Variants in CCSER1 observed in about 807,000 individuals in gnomAD.
CCSER1 encodes serine-rich coiled-coil domain-containing protein 1.
A neutral mutation model predicts 82.0 loss-of-function variants in CCSER1; 41 were observed. The observed-to-expected ratio is 0.50, with a 90% confidence interval of 0.39 to 0.65. The LOEUF (loss-of-function observed/expected upper bound fraction) is 0.65. Among genes scored for constraint, CCSER1 ranks in the 30% least tolerant of loss-of-function variants. CCSER1 has a pLI of 0.00. For missense variants in CCSER1, 1,119 were observed against 1,064.2 expected (o/e 1.05, Z -0.72); for synonymous variants, 414 against 383.9 (o/e 1.08, Z -0.92).
At chr4:90,350,313 T>A (rs1158704417) in intron 3 of CCSER1, among the ~76,000 whole-genome samples, 2 of 152,118 alleles carry the variant, frequency 1.3e-5, no homozygotes, top group African/African-American at 4.8e-5. Context: ...ATGGGAAAAT[T>A]TTTGGAATCC....
chr4:91,557,621 T>A (rs551552266), intron 10 of CCSER1, among the ~76,000 whole-genome samples: 6 of 151,608 alleles, frequency 4.0e-5, no homozygotes, highest in African/African-American at 1.2e-4. Flanking sequence ...AGAAACTTAC[T>A]GAAGAAGAGA....
intron 10 of CCSER1, among the ~76,000 whole-genome samples, chr4:91,134,967 G>T (rs970030737): frequency 3.3e-5 from 5 of 151,948 alleles, no homozygotes; most frequent in African/African-American, 1.2e-4. Context: ...GGCTGAGGCA[G>T]GAGAATCGCG....
chr4:90,640,115 C>T (rs568597059), intron 6 of CCSER1, among the ~76,000 whole-genome samples: 3 of 152,158 alleles, frequency 2.0e-5, no homozygotes, highest in African/African-American at 2.4e-5. Flanking sequence ...GATAAGCAAT[C>T]GATTTGGCAA....
chr4:90,749,934 G>C (rs34191805), intron 7 of CCSER1, among the ~76,000 whole-genome samples: 3,189 of 151,566 alleles, frequency 0.021, 45 homozygotes, highest in South Asian at 0.034. Flanking sequence ...CCTATTTCTC[G>C]ACATCCTCTC....
chr4:90,459,256 A>G (rs1379975174), intron 4 of CCSER1, among the ~76,000 whole-genome samples: 1 of 152,206 alleles, frequency 6.6e-6, no homozygotes, highest in Non-Finnish European at 1.5e-5. Context: ...TTATTGAAGT[A>G]TGAACTGGAC....
chr4:90,332,886 T>A (rs1739583425), intron 3 of CCSER1, among the ~76,000 whole-genome samples: 1 of 152,196 alleles, frequency 6.6e-6, no homozygotes, highest in African/African-American at 2.4e-5. Flanking sequence ...TTTTCCTAGT[T>A]GTTTCAATTA....
intron 5 of CCSER1, among the ~76,000 whole-genome samples, chr4:90,574,218 A>G (rs1780442066): frequency 6.8e-6 from 1 of 146,486 alleles, no homozygotes; most frequent in Non-Finnish European, 1.5e-5. Context: ...ATATTATTTA[A>G]TGTAGTGCCA....
At chr4:90,727,347 A>G (rs1429307180) in intron 7 of CCSER1, 7 of 453,724 alleles carry the variant, frequency 1.5e-5, no homozygotes, top group South Asian at 6.2e-5. Context: ...TAAAAGTTCA[A>G]GATCATTAAA....
intron 10 of CCSER1, among the ~76,000 whole-genome samples, chr4:91,455,470 T>G (rs559729002): frequency 5.0e-4 from 76 of 152,144 alleles, no homozygotes; most frequent in African/African-American, 1.8e-3. Context: ...TGTTCTTGCT[T>G]CTTCTGACAT....
In CCSER1 at chr4:91,311,013, T is replaced by C. The variant is rs536144670; in HGVS notation, c.2217+225019T>C. Among the ~76,000 whole-genome samples, 15 of 152,130 alleles carry C rather than the reference T, an allele frequency of 9.9e-5. No homozygotes were observed. In the East Asian group the frequency reaches 2.9e-3, roughly 30 times the overall value. ...AACTTTTAAAATAGACCTGCTTATGTATAACTATTTCTGATTGATTAAACT... is the reference window on the plus strand; with the variant it reads ...AACTTTTAAAATAGACCTGCTTATGCATAACTATTTCTGATTGATTAAACT... On this transcript the variant is annotated intron_variant, in intron 10 of 10. Transcript: ENST00000509176.
intron 9 of CCSER1, among the ~76,000 whole-genome samples, chr4:90,931,012 G>T (rs1729722653): frequency 7.4e-6 from 1 of 134,780 alleles, no homozygotes; most frequent in African/African-American, 2.9e-5. Context: ...AAATATCCTT[G>T]AAATATATAT....
In CCSER1 at chr4:91,600,058, G is replaced by A. The variant is rs1764751759; in HGVS notation, c.*1001G>A. The stretch of plus-strand genomic sequence containing the variant: ...TGAAGAACAGAAAGTCAGTATTTTA[G>A]TAGCCAGCATACAATATTCTGACTA... On this transcript the variant is annotated 3_prime_UTR_variant, in exon 11 of 11. Coordinates refer to ENST00000509176, the MANE Select transcript of CCSER1 (RefSeq NM_001145065.2). The A allele has an allele frequency of 1.3e-5, 2 of 151,950 alleles. No individual in the cohort carries two copies. Among genetic ancestry groups the A allele is most frequent in the African/African-American group, 4.8e-5 (2 of 41,362 alleles). 9.4% of individuals were successfully genotyped at this position (151,950 alleles called of 1,614,324 possible). A position where few individuals can be genotyped will look rare whatever the true frequency, so the allele number is the denominator to read the frequency against.
chr4:91,218,817 T>C (rs774435558), intron 10 of CCSER1, among the ~76,000 whole-genome samples: 5 of 152,182 alleles, frequency 3.3e-5, no homozygotes, highest in Non-Finnish European at 7.3e-5. Context: ...GTTTATCACC[T>C]ACTCCTGGAA....
intron 8 of CCSER1, among the ~76,000 whole-genome samples, chr4:90,847,733 T>C (rs1446066634): frequency 6.6e-6 from 1 of 152,210 alleles, no homozygotes; most frequent in Non-Finnish European, 1.5e-5. Flanking sequence ...AATAATGTTA[T>C]AATTCAAATC....
intron 9 of CCSER1, among the ~76,000 whole-genome samples, chr4:90,923,738 A>G (rs536601711): frequency 1.2e-4 from 19 of 152,236 alleles, no homozygotes; most frequent in Non-Finnish European, 2.2e-4. Flanking sequence ...TTAGAAGACT[A>G]GGGCAATTTA....
At chr4:90,550,822 TG>T (rs1271929503) in intron 5 of CCSER1, among the ~76,000 whole-genome samples, 2 of 151,886 alleles carry the variant, frequency 1.3e-5, no homozygotes, top group Non-Finnish European at 2.9e-5. Context: ...AGCAGTAAGT[TG>T]GGGGGAAAAG....
intron 1 of CCSER1, among the ~76,000 whole-genome samples, chr4:90,171,260 A>G (rs1017930108): frequency 1.3e-5 from 2 of 151,830 alleles, no homozygotes; most frequent in Non-Finnish European, 2.9e-5. Flanking sequence ...AATTTATACT[A>G]AGAGAATTTT....
intron 3 of CCSER1, among the ~76,000 whole-genome samples, chr4:90,364,747 TAAAC>T (rs2153520652): frequency 6.6e-6 from 1 of 152,094 alleles, no homozygotes; most frequent in Admixed American, 6.5e-5. Flanking sequence ...ATGTAGATAT[TAAAC>T]AAAGTAAAAG....
At chr4:90,360,403 G>A (rs1361059953) in intron 3 of CCSER1, among the ~76,000 whole-genome samples, 11 of 150,492 alleles carry the variant, frequency 7.3e-5, no homozygotes, top group African/African-American at 2.7e-4. Flanking sequence ...GGTGGTGGGT[G>A]CCTGTAGTCC....
Sources: gnomAD v4.1 joint callset for allele counts (sites outside exome capture counted in the v4.1 genomes callset) on GRCh38, gnomAD v4.1.1 for gene constraint, MANE v1.5 for transcripts, NCBI Gene and HGNC (gene_info 2026-07-23, HGNC 2026-07-21) for gene names.